The following GRM5 variants were observed in gnomAD, a reference collection of about 807,000 sequenced individuals.
GRM5 encodes the protein glutamate metabotropic receptor 5.
In GRM5, 19 loss-of-function variants were observed where a neutral mutation model predicts 83.1. The observed-to-expected ratio is 0.23, with a 90% confidence interval of 0.16 to 0.34. GRM5 has a LOEUF of 0.34. Ranked by LOEUF, GRM5 falls within the 10% of genes least tolerant of loss-of-function variation. The pLI, the probability that GRM5 is intolerant of heterozygous loss-of-function variation, is 1.00. For synonymous variants in GRM5, 675 were observed against 633.6 expected (o/e 1.07, Z -0.98); for missense variants, 1,160 against 1,588.3 (o/e 0.73, Z 4.58).
At chr11:88,587,037 C>T (rs1374453258) in intron 7 of GRM5, among the ~76,000 whole-genome samples, 1 of 152,206 alleles carries the variant, frequency 6.6e-6, no homozygotes, top group East Asian at 1.9e-4. Flanking sequence ...TACTCTATGT[C>T]AGGCATTGTA....
intron 3 of GRM5, among the ~76,000 whole-genome samples, chr11:88,773,064 C>T (rs76123172): frequency 0.64 from 97,299 of 152,022 alleles, 31,926 homozygotes; most frequent in Non-Finnish European, 0.73. Flanking sequence ...ACACTCCCAC[C>T]AACAGTGTAA....
intron 1 of GRM5, among the ~76,000 whole-genome samples, chr11:89,062,802 C>A (rs1235585737): frequency 6.6e-6 from 1 of 152,258 alleles, no homozygotes; most frequent in South Asian, 2.1e-4. Context: ...CTCGGGCCAC[C>A]GGCTAGCCTC....
intron 2 of GRM5, among the ~76,000 whole-genome samples, chr11:89,030,493 G>A (rs146772786): frequency 0.012 from 1,882 of 152,122 alleles, 28 homozygotes; most frequent in East Asian, 0.044. Flanking sequence ...TTTATTTAAT[G>A]TCTTTGTGCC....
Position 88,806,053 on chromosome 11 carries a change from T to G in GRM5, c.911+43853A>C, listed in dbSNP as rs116898476. On this transcript the variant is annotated intron_variant, in intron 3 of 9. Coordinates refer to ENST00000305447, the MANE Select transcript of GRM5 (RefSeq NM_001143831.3). ...ATTCAAATCCCAATTCTGCATCTACTAGTGGCATGGCATTGAACAATTTGC... is the reference window on the plus strand; with the variant it reads ...ATTCAAATCCCAATTCTGCATCTACGAGTGGCATGGCATTGAACAATTTGC... 8.4e-3 allele frequency among the ~76,000 whole-genome samples: 1,278 copies of G among 152,306 alleles called. 25 individuals carry two copies. Among genetic ancestry groups the G allele is most frequent in the East Asian group, 0.072 (371 of 5,178 alleles).
chr11:88,815,680 C>G (rs3956251), intron 3 of GRM5, among the ~76,000 whole-genome samples: 73,837 of 151,954 alleles, frequency 0.49, 21,135 homozygotes, highest in African/African-American at 0.76. Context: ...AAGAAAGAGG[C>G]GAGGTGTTAG....
intron 7 of GRM5, among the ~76,000 whole-genome samples, chr11:88,581,389 G>A (rs1411822208): frequency 6.6e-6 from 1 of 152,214 alleles, no homozygotes; most frequent in Non-Finnish European, 1.5e-5. Flanking sequence ...GACACTCACA[G>A]ATAAAAATTT....
chr11:88,972,541 G>C (rs1176512805), intron 2 of GRM5, among the ~76,000 whole-genome samples: 3 of 152,000 alleles, frequency 2.0e-5, no homozygotes, highest in African/African-American at 4.8e-5. Flanking sequence ...ATATAAATTG[G>C]GGGTGGTGCT....
At chr11:88,581,166 C>T (rs1030937477) in intron 7 of GRM5, among the ~76,000 whole-genome samples, 1 of 152,078 alleles carries the variant, frequency 6.6e-6, no homozygotes, top group African/African-American at 2.4e-5. Flanking sequence ...TAAAACTTTC[C>T]CCAAATTTTC....
At chr11:88,816,975 A>G (rs1590880868) in intron 3 of GRM5, among the ~76,000 whole-genome samples, 1 of 152,180 alleles carries the variant, frequency 6.6e-6, no homozygotes, top group East Asian at 1.9e-4. Flanking sequence ...CGGTCTGTCT[A>G]TCTATCTACA....
intron 3 of GRM5, among the ~76,000 whole-genome samples, chr11:88,698,321 T>C (rs1006515461): frequency 6.6e-6 from 1 of 152,200 alleles, no homozygotes; most frequent in Non-Finnish European, 1.5e-5. Context: ...ATTCTTTATG[T>C]GTGTCATGTC....
rs1285157159 is a variant in GRM5, at chr11:88,929,837, A to C, written c.662-79682T>G. Among the ~76,000 whole-genome samples the C allele has an allele frequency of 2.6e-5, 4 of 152,286 alleles. No individual in the cohort carries two copies. The East Asian group carries it at 7.7e-4, about 29-fold the overall frequency. On this transcript the variant is annotated intron_variant, in intron 2 of 9. Coordinates refer to ENST00000305447, the MANE Select transcript of GRM5 (RefSeq NM_001143831.3). ...CCCAGTTCATCTGGACTGAATCACT[A>C]TATGCATAAGTGATACATGTTTTAT...
chr11:89,021,572 G>A (rs1478739359), intron 2 of GRM5, among the ~76,000 whole-genome samples: 1 of 152,172 alleles, frequency 6.6e-6, no homozygotes, highest in Non-Finnish European at 1.5e-5. Flanking sequence ...TCAAGTGCAG[G>A]CAGTCAGTAC....
At chr11:88,914,123 T>C (rs551570781) in intron 2 of GRM5, among the ~76,000 whole-genome samples, 3 of 152,158 alleles carry the variant, frequency 2.0e-5, no homozygotes, top group Non-Finnish European at 4.4e-5. Flanking sequence ...CCAGTTAGCA[T>C]ACATTTTGGA....
At position 88,982,188 on chromosome 11, in the gene GRM5, C is replaced by G. The variant is rs181749971; in HGVS notation, c.661+65024G>C. 7.2e-5 allele frequency among the ~76,000 whole-genome samples: 11 copies of G among 152,266 alleles called. No homozygotes were observed. In the East Asian group the frequency reaches 7.7e-4, roughly 11 times the overall value. On this transcript the variant is annotated intron_variant, in intron 2 of 9. Transcript: ENST00000305447. ...ATCAGCTGGTCACTAAAATTATTTT[C>G]TCATGTTCATCATGTGATTTTTGGA...
At chr11:88,844,932 A>T (rs1343345207) in intron 3 of GRM5, among the ~76,000 whole-genome samples, 1 of 152,222 alleles carries the variant, frequency 6.6e-6, no homozygotes, top group Non-Finnish European at 1.5e-5. Context: ...ATCAGCAAAG[A>T]AAGTGGTTTC....
intron 2 of GRM5, among the ~76,000 whole-genome samples, chr11:88,983,215 G>A (rs982534743): frequency 5.3e-5 from 8 of 152,020 alleles, no homozygotes; most frequent in African/African-American, 1.9e-4. Context: ...TAAATCTGTT[G>A]GATTATATCA....
At chr11:88,771,655 G>C (rs972273241) in intron 3 of GRM5, among the ~76,000 whole-genome samples, 1 of 152,020 alleles carries the variant, frequency 6.6e-6, no homozygotes, top group South Asian at 2.1e-4. Flanking sequence ...AATCTCCTCT[G>C]GCAACACCCT....
At chr11:88,758,048 C>G (rs572620018) in intron 3 of GRM5, among the ~76,000 whole-genome samples, 11 of 152,120 alleles carry the variant, frequency 7.2e-5, no homozygotes, top group Non-Finnish European at 1.5e-4. Flanking sequence ...CCTTATACCA[C>G]AATCAAATCC....
chr11:88,717,901 TTAAAA>T (rs1416591688), intron 3 of GRM5, among the ~76,000 whole-genome samples: 2 of 151,814 alleles, frequency 1.3e-5, no homozygotes, highest in Non-Finnish European at 2.9e-5. Flanking sequence ...GTATTAATAA[TTAAAA>T]TAGAATCTAT....
Sources: allele counts gnomAD v4.1 joint callset (sites outside exome capture counted in the v4.1 genomes callset), GRCh38; gene constraint gnomAD v4.1.1; transcripts MANE v1.5; gene names NCBI Gene and HGNC (gene_info 2026-07-23, HGNC 2026-07-21).